ZMAT4: variants seen among roughly 807,000 people sequenced by gnomAD.
The protein encoded by ZMAT4 is zinc finger matrin-type protein 4.
Under a neutral mutation model 28.7 loss-of-function variants are expected in ZMAT4, and 17 were observed. That is an observed-to-expected ratio of 0.59 (90% CI 0.41 to 0.89). The LOEUF (loss-of-function observed/expected upper bound fraction) is 0.89, where lower values mean the gene tolerates loss of function less well. ZMAT4 is among the 40% of genes least tolerant of loss of function. The probability of loss-of-function intolerance (pLI) is 0.00; values close to 1 mark genes in which losing one functional copy is unlikely to be tolerated. For missense variants in ZMAT4, 240 were observed against 283.8 expected, an observed-to-expected ratio of 0.85 and a Z score of 1.11; for synonymous variants, 117 against 109.2, an observed-to-expected ratio of 1.07 and a Z score of -0.44.
chr8:40,568,128 A>C (rs1803980797), intron 6 of ZMAT4, among the ~76,000 whole-genome samples: 2 of 152,136 alleles, frequency 1.3e-5, no homozygotes, highest in South Asian at 4.1e-4. Context: ...ATTTATTGTC[A>C]AGGTTAATAC....
chr8:40,534,286 G>T (rs918292160), intron 6 of ZMAT4, among the ~76,000 whole-genome samples: 1 of 152,040 alleles, frequency 6.6e-6, no homozygotes, highest in African/African-American at 2.4e-5. Flanking sequence ...TGCTGGAAAG[G>T]CTACTTCATA....
chr8:40,685,966 G>A (rs1314404239), intron 4 of ZMAT4, among the ~76,000 whole-genome samples: 1 of 152,100 alleles, frequency 6.6e-6, no homozygotes, highest in Non-Finnish European at 1.5e-5. Flanking sequence ...CCTCCAATGG[G>A]CAGACAGGAC....
At chr8:40,829,593 A>T (rs756305314) in intron 1 of ZMAT4, among the ~76,000 whole-genome samples, 30 of 152,306 alleles carry the variant, frequency 2.0e-4, no homozygotes, top group Non-Finnish European at 3.1e-4. Context: ...AGGCTCAGGG[A>T]TAACAGAGGC....
chr8:40,783,784 G>A (rs1256797070), intron 2 of ZMAT4, among the ~76,000 whole-genome samples: 1 of 152,144 alleles, frequency 6.6e-6, no homozygotes, highest in African/African-American at 2.4e-5. Context: ...GCCGAGGTGG[G>A]CGGATCACCT....
intron 2 of ZMAT4, chr8:40,786,745 T>C: frequency 2.3e-6 from 3 of 1,289,364 alleles, no homozygotes; most frequent in Middle Eastern, 2.1e-4. Context: ...TGGCTTAGTA[T>C]GTCTAATGAA....
chr8:40,611,074 G>A (rs1805777778), intron 5 of ZMAT4, among the ~76,000 whole-genome samples: 2 of 152,096 alleles, frequency 1.3e-5, no homozygotes, highest in Admixed American at 1.3e-4. Flanking sequence ...TTTTGCAAAT[G>A]CAAAAGTTGT....
At chr8:40,883,384 G>A (rs1818345503) in intron 1 of ZMAT4, among the ~76,000 whole-genome samples, 1 of 152,154 alleles carries the variant, frequency 6.6e-6, no homozygotes, top group Non-Finnish European at 1.5e-5. Context: ...GTTCACACCA[G>A]CATTTCCCTC....
intron 3 of ZMAT4, among the ~76,000 whole-genome samples, chr8:40,699,618 A>ACACACACC (rs1317074605): frequency 1.3e-5 from 2 of 151,888 alleles, no homozygotes; most frequent in African/African-American, 4.8e-5. Context: ...ACACACACAC[A>ACACACACC]CACCATGGAA....
chr8:40,821,527 T>G (rs1383717824), intron 2 of ZMAT4, among the ~76,000 whole-genome samples: 1 of 152,204 alleles, frequency 6.6e-6, no homozygotes, highest in African/African-American at 2.4e-5. Context: ...GCATAGCATG[T>G]AAAGGTTTGG....
intron 5 of ZMAT4, among the ~76,000 whole-genome samples, chr8:40,642,270 C>A (rs563089506): frequency 1.3e-5 from 2 of 152,290 alleles, no homozygotes; most frequent in East Asian, 1.9e-4. Context: ...AAAATTCATA[C>A]CTGCACCAAA....
chr8:40,732,438 G>A lies in ZMAT4; in HGVS notation c.193-35037C>T, dbSNP rs1463634102. ...GAGGTGCCAGGGCCTGCAGCCTTAG[G>A]AACCCAAGTAGAAAAGAGGCATCTG... On this transcript the variant is annotated intron_variant, in intron 3 of 6. Transcript: ENST00000297737. Among the ~76,000 whole-genome samples the A allele has an allele frequency of 3.9e-5, 6 of 152,162 alleles. No homozygotes were observed. In the East Asian group the frequency reaches 9.7e-4, roughly 25 times the overall value.
intron 5 of ZMAT4, among the ~76,000 whole-genome samples, chr8:40,605,303 G>T (rs1027764616): frequency 1.3e-5 from 2 of 152,086 alleles, no homozygotes; most frequent in African/African-American, 4.8e-5. Context: ...CAGACTTTTT[G>T]ATGTAGGCAG....
At chr8:40,766,073 C>A (rs1340906365) in intron 3 of ZMAT4, among the ~76,000 whole-genome samples, 2 of 152,150 alleles carry the variant, frequency 1.3e-5, no homozygotes, top group Admixed American at 1.3e-4. Flanking sequence ...CTCCTCCCTC[C>A]CTCCTGCGGC....
intron 3 of ZMAT4, among the ~76,000 whole-genome samples, chr8:40,717,020 T>C (rs1158717262): frequency 6.6e-6 from 1 of 152,228 alleles, no homozygotes; most frequent in African/African-American, 2.4e-5. Context: ...TCTGTCCTCC[T>C]ATGAAAAGTT....
At chr8:40,785,981 G>T (rs749993714) in intron 2 of ZMAT4, among the ~76,000 whole-genome samples, 1 of 152,038 alleles carries the variant, frequency 6.6e-6, no homozygotes, top group Non-Finnish European at 1.5e-5. Flanking sequence ...AAGGAGAGAG[G>T]GTTTAGCTGC....
At chr8:40,703,310 G>A (rs1302599302) in intron 3 of ZMAT4, among the ~76,000 whole-genome samples, 1 of 152,172 alleles carries the variant, frequency 6.6e-6, no homozygotes, top group Admixed American at 6.5e-5. Context: ...ATAGCCCAAA[G>A]TGGAAACAGC....
intron 6 of ZMAT4, among the ~76,000 whole-genome samples, chr8:40,571,353 A>G: frequency 6.6e-6 from 1 of 152,166 alleles, no homozygotes; most frequent in East Asian, 1.9e-4. Context: ...TGCTGTAGAT[A>G]TAGAGATACA....
chr8:40,554,586 G>A (rs1051588054), intron 6 of ZMAT4, among the ~76,000 whole-genome samples: 2 of 152,044 alleles, frequency 1.3e-5, no homozygotes, highest in South Asian at 2.1e-4. Context: ...GTCATCAATA[G>A]CATTTTTATC....
chr8:40,891,595 A>G (rs1818690133), intron 1 of ZMAT4, among the ~76,000 whole-genome samples: 1 of 151,856 alleles, frequency 6.6e-6, no homozygotes, highest in Non-Finnish European at 1.5e-5. Context: ...GTCTCAGCCA[A>G]TCCCTGGAAG....
Sources: gnomAD v4.1 joint callset for allele counts (sites outside exome capture counted in the v4.1 genomes callset) on GRCh38, gnomAD v4.1.1 for gene constraint, MANE v1.5 for transcripts, NCBI Gene and HGNC (gene_info 2026-07-23, HGNC 2026-07-21) for gene names.